Variants in RPRD1A observed in about 807,000 individuals in gnomAD.
RPRD1A encodes regulation of nuclear pre-mRNA domain-containing protein 1A.
In RPRD1A, 9 loss-of-function variants were observed where a neutral mutation model predicts 37.8. That is an observed-to-expected ratio of 0.24 (90% CI 0.14 to 0.42). The LOEUF is 0.42. RPRD1A is among the 10% of genes least tolerant of loss of function. The pLI, the probability that RPRD1A is intolerant of heterozygous loss-of-function variation, is 1.00. For synonymous variants in RPRD1A, 138 were observed against 139.7 expected (o/e 0.99, Z 0.08); for missense variants, 255 against 371.0 (o/e 0.69, Z 2.57).
intron 6 of RPRD1A, among the ~76,000 whole-genome samples, chr18:36,022,208 T>A (rs146815540): frequency 4.6e-5 from 7 of 152,284 alleles, no homozygotes; most frequent in African/African-American, 1.7e-4. Flanking sequence ...GAAGCAAAGT[T>A]TGAAAGTAGC....
chr18:36,017,035 G>A (rs1910636430), intron 6 of RPRD1A, among the ~76,000 whole-genome samples: 1 of 151,946 alleles, frequency 6.6e-6, no homozygotes, highest in Non-Finnish European at 1.5e-5. Flanking sequence ...GCCAGGTGCA[G>A]TGGCTCACAC....
chr18:35,995,070 A>C (rs1250194651), intron 6 of RPRD1A, among the ~76,000 whole-genome samples: 2 of 152,126 alleles, frequency 1.3e-5, no homozygotes, highest in Non-Finnish European at 2.9e-5. Context: ...AATGTTGAAA[A>C]GGATCATGAA....
chr18:36,038,925 A>T (rs1007040535), intron 1 of RPRD1A, among the ~76,000 whole-genome samples: 1 of 152,200 alleles, frequency 6.6e-6, no homozygotes. Flanking sequence ...AATACCTATG[A>T]TACCCCCGTT....
At chr18:36,029,264 T>C (rs974901115) in intron 4 of RPRD1A, among the ~76,000 whole-genome samples, 1 of 152,190 alleles carries the variant, frequency 6.6e-6, no homozygotes, top group Non-Finnish European at 1.5e-5. Context: ...ATTGATTGTA[T>C]TTTTCTTTCA....
At position 35,993,182 on chromosome 18, in the gene RPRD1A, G is replaced by T. The variant is rs1412155283; in HGVS notation, c.908C>A (p.Pro303His). The T allele has an allele frequency of 6.2e-7, 1 of 1,614,098 alleles. No individual in the cohort carries two copies. Among genetic ancestry groups the T allele is most frequent in the East Asian group, 2.2e-5 (1 of 44,878 alleles). ...TTCACTGTAGATGTCTCCCGCAAAG[G>T]GCAGGTGCATGTGGCTGCCAGTGAC... ...PNVTGSHMHL[P>H]FAGDIYSED The change falls in exon 7 of 7, where the codon CCC becomes CAC. Residue 303 changes from proline (P) to histidine (H), a missense_variant. By Grantham distance (77) the Pro-to-His change is moderately conservative. Around this residue, in one of 2 missense-constraint regions of RPRD1A, gnomAD observed 211 missense variants for 268.9 expected, o/e 0.78. Coordinates refer to ENST00000399022, the MANE Select transcript of RPRD1A (RefSeq NM_018170.5).
intron 4 of RPRD1A, among the ~76,000 whole-genome samples, chr18:36,028,349 A>C (rs1242514101): frequency 6.6e-6 from 1 of 152,160 alleles, no homozygotes; most frequent in Admixed American, 6.5e-5. Flanking sequence ...AAGTGTTTAA[A>C]ATTTCAGTAT....
intron 6 of RPRD1A, among the ~76,000 whole-genome samples, chr18:36,015,379 AT>A (rs1388319205): frequency 6.6e-6 from 1 of 151,832 alleles, no homozygotes; most frequent in East Asian, 1.9e-4. Flanking sequence ...CGTCCGGCTA[AT>A]TTTTGTATTT....
At chr18:36,016,237 T>C (rs1910562977) in intron 6 of RPRD1A, among the ~76,000 whole-genome samples, 1 of 152,234 alleles carries the variant, frequency 6.6e-6, no homozygotes. Flanking sequence ...TTTTCTTTTT[T>C]TTGAGGCAGA....
intron 6 of RPRD1A, among the ~76,000 whole-genome samples, chr18:36,016,004 AT>A (rs2144224842): frequency 6.6e-6 from 1 of 152,338 alleles, no homozygotes; most frequent in Non-Finnish European, 1.5e-5. Flanking sequence ...AAACTATACC[AT>A]CCCTGTGCAC....
chr18:36,040,672 G>C, intron 1 of RPRD1A: 1 of 533,104 alleles, frequency 1.9e-6, no homozygotes, highest in Non-Finnish European at 3.3e-6. Context: ...CAAAACTAGA[G>C]TTGTGATCAC....
chr18:36,054,652 T>C (rs867258421), intron 1 of RPRD1A, among the ~76,000 whole-genome samples: 3 of 152,094 alleles, frequency 2.0e-5, no homozygotes, highest in African/African-American at 4.8e-5. Context: ...ATGGGAAATC[T>C]GGAGGCTGAC....
At position 35,990,349 on chromosome 18, in the gene RPRD1A, A is replaced by T. The variant is rs1908649233; in HGVS notation, c.*2802T>A. The T allele has an allele frequency of 1.3e-5, 2 of 152,256 alleles. No individual in the cohort carries two copies. Among genetic ancestry groups the T allele is most frequent in the South Asian group, 4.1e-4 (2 of 4,834 alleles). The allele number at this position is 152,256 out of a possible 1,614,324, so 9.4% of individuals were successfully genotyped here. ...ACTTAGTTTTGTGATTTTGCAAATC[A>T]AGATGCCTGGGTCATCCCCACTTTT... is the stretch of plus-strand genomic sequence containing the variant. On this transcript the variant is annotated 3_prime_UTR_variant, in exon 7 of 7. Coordinates refer to ENST00000399022, the MANE Select transcript of RPRD1A (RefSeq NM_018170.5).
At chr18:36,042,206 G>C (rs1055328659) in intron 1 of RPRD1A, among the ~76,000 whole-genome samples, 1 of 151,998 alleles carries the variant, frequency 6.6e-6, no homozygotes, top group Non-Finnish European at 1.5e-5. Context: ...CCTGACCAAC[G>C]AGCCCACATA....
intron 6 of RPRD1A, among the ~76,000 whole-genome samples, chr18:36,006,911 AAG>A (rs1459221850): frequency 6.6e-6 from 1 of 152,172 alleles, no homozygotes; most frequent in East Asian, 1.9e-4. Context: ...GTCGAGGAAA[AAG>A]AGTCATCTGG....
intron 1 of RPRD1A, among the ~76,000 whole-genome samples, chr18:36,061,913 A>T (rs891543859): frequency 6.6e-6 from 1 of 152,222 alleles, no homozygotes; most frequent in Non-Finnish European, 1.5e-5. Context: ...TGCATATCAA[A>T]ATCATGAGAT....
chr18:36,008,577 G>GTGTGTGTGTATA lies in RPRD1A; in HGVS notation c.790-15278_790-15277insTATACACACACA. Among the ~76,000 whole-genome samples the GTGTGTGTGTATA allele has an allele frequency of 2.1e-4, 10 of 47,794 alleles. 1 individual carries two copies. The highest frequency in any genetic ancestry group is 1.8e-3 in the South Asian group (2 of 1,112). 31.4% of individuals were successfully genotyped at this position (47,794 alleles called of 152,430 possible). A position where few individuals can be genotyped will look rare whatever the true frequency, so the allele number is the denominator to read the frequency against. On this transcript the variant is annotated intron_variant, in intron 6 of 6. Transcript: ENST00000399022. ...GGCGACACAGCAAGACCTTGTGTGTGTATATATATATATCTTTAAAAATCT... is the reference window on the plus strand; with the variant it reads ...GGCGACACAGCAAGACCTTGTGTGTGTGTGTGTGTATATATATATATATATCTTTAAAAATCT...
intron 1 of RPRD1A, among the ~76,000 whole-genome samples, chr18:36,054,750 T>A (rs549643838): frequency 2.6e-5 from 4 of 152,046 alleles, no homozygotes; most frequent in Non-Finnish European, 4.4e-5. Context: ...TCCAAAGGCC[T>A]TAGAACCAGG....
intron 1 of RPRD1A, among the ~76,000 whole-genome samples, chr18:36,043,988 T>C (rs1181881855): frequency 6.6e-6 from 1 of 152,242 alleles, no homozygotes; most frequent in Admixed American, 6.5e-5. Flanking sequence ...ATATTTTGTA[T>C]GTTATATAAA....
Position 36,008,577 on chromosome 18 carries a change from G to GTGTGTGTATATATATATATA in RPRD1A, c.790-15278_790-15277insTATATATATATATACACACA. The stretch of plus-strand genomic sequence containing the variant: ...GGCGACACAGCAAGACCTTGTGTGT[G>GTGTGTGTATATATATATATA]TATATATATATATCTTTAAAAATCT... On this transcript the variant is annotated intron_variant, in intron 6 of 6. Transcript: ENST00000399022. Among the ~76,000 whole-genome samples, 24 of 47,796 alleles carry GTGTGTGTATATATATATATA rather than the reference G, an allele frequency of 5.0e-4. 5 individuals carry two copies. Among genetic ancestry groups the GTGTGTGTATATATATATATA allele is most frequent in the African/African-American group, 6.1e-4 (9 of 14,820 alleles). 31.4% of individuals were successfully genotyped at this position (47,796 alleles called of 152,430 possible). A position where few individuals can be genotyped will look rare whatever the true frequency, so the allele number is the denominator to read the frequency against.
Sources: gnomAD v4.1 joint callset for allele counts (sites outside exome capture counted in the v4.1 genomes callset) on GRCh38, gnomAD v4.1.1 for gene constraint, gnomAD v4.1.1 regional missense constraint, MANE v1.5 for transcripts, NCBI Gene and HGNC (gene_info 2026-07-23, HGNC 2026-07-21) for gene names.